The following CFAP61 variants were observed in gnomAD, a reference collection of about 807,000 sequenced individuals.
CFAP61 encodes the protein cilia and flagella associated protein 61.
In CFAP61, 107 loss-of-function variants were observed where a neutral mutation model predicts 135.6. The observed-to-expected ratio is 0.79, with a 90% CI of 0.67 to 0.93. The LOEUF (loss-of-function observed/expected upper bound fraction) is 0.93, where lower values mean the gene tolerates loss of function less well. Among genes scored for constraint, CFAP61 ranks in the 40% least tolerant of loss-of-function variants. The probability of loss-of-function intolerance (pLI) is 0.00; values close to 1 mark genes in which losing one functional copy is unlikely to be tolerated. For missense variants in CFAP61, 1,507 were observed against 1,556.2 expected, an observed-to-expected ratio of 0.97 and a Z score of 0.53; for synonymous variants, 575 against 578.5, an observed-to-expected ratio of 0.99 and a Z score of 0.09.
chr20:20,057,120 TAAAAAAAAAA>T (rs752860141), intron 2 of CFAP61, among the ~76,000 whole-genome samples: 1 of 102,124 alleles, frequency 9.8e-6, no homozygotes. Context: ...CTGTCTCAAT[TAAAAAAAAAA>T]AAAAAAAAAA....
At chr20:20,109,776 T>C (rs962685968) in intron 8 of CFAP61, among the ~76,000 whole-genome samples, 2 of 152,254 alleles carry the variant, frequency 1.3e-5, no homozygotes, top group Non-Finnish European at 2.9e-5. Flanking sequence ...AAGAGCTAGC[T>C]CTTAATCTAT....
In CFAP61 at chr20:20,118,262, T is replaced by C. The variant is rs1372399394; in HGVS notation, c.859+19448T>C. Among the ~76,000 whole-genome samples the C allele has an allele frequency of 8.0e-5, 5 of 62,268 alleles. No homozygotes were observed. In the Admixed American group the frequency reaches 9.1e-4, roughly 11 times the overall value. The allele number at this position is 62,268 out of a possible 152,430, so 40.9% of individuals were successfully genotyped here. ...CATTATTTTGAGGTATGTTTCTTTC[T>C]TTCTTTCTTTCTTTCTTTCTTTCTT... On this transcript the variant is annotated intron_variant, in intron 8 of 26. Coordinates refer to ENST00000245957, the MANE Select transcript of CFAP61 (RefSeq NM_015585.4).
At chr20:20,351,206 C>G (rs978996144) in intron 26 of CFAP61, among the ~76,000 whole-genome samples, 2 of 152,034 alleles carry the variant, frequency 1.3e-5, no homozygotes, top group African/African-American at 4.8e-5. Context: ...CACATAAAAT[C>G]CTTAAAGACT....
At chr20:20,081,447 A>C (rs1453445058) in intron 6 of CFAP61, among the ~76,000 whole-genome samples, 3 of 152,222 alleles carry the variant, frequency 2.0e-5, no homozygotes, top group Non-Finnish European at 2.9e-5. Context: ...ACATGTATAG[A>C]AGCAGCCCAT....
intron 2 of CFAP61, among the ~76,000 whole-genome samples, chr20:20,059,832 T>C (rs2044664739): frequency 6.6e-6 from 1 of 151,464 alleles, no homozygotes; most frequent in South Asian, 2.1e-4. Flanking sequence ...AGAGAAAAAA[T>C]ATGAATGAAG....
At chr20:20,117,792 A>T (rs1600743407) in intron 8 of CFAP61, among the ~76,000 whole-genome samples, 1 of 152,086 alleles carries the variant, frequency 6.6e-6, no homozygotes, top group Non-Finnish European at 1.5e-5. Flanking sequence ...TTTTCCTAAT[A>T]TAGGTCTTTC....
intron 13 of CFAP61, 35 bp downstream of exon 13, chr20:20,169,495 A>T: frequency 6.5e-7 from 1 of 1,532,680 alleles, no homozygotes. Context: ...ACAACAATCC[A>T]TGAAATTACA....
chr20:20,065,496 C>T (rs1306397510), intron 2 of CFAP61, among the ~76,000 whole-genome samples: 1 of 151,696 alleles, frequency 6.6e-6, no homozygotes, highest in Non-Finnish European at 1.5e-5. Flanking sequence ...CATTGATGTC[C>T]TGAAGCTTCC....
chr20:20,355,868 C>G (rs1331721714), intron 26 of CFAP61, among the ~76,000 whole-genome samples: 31 of 109,374 alleles, frequency 2.8e-4, no homozygotes, highest in African/African-American at 5.9e-4. Flanking sequence ...GGGAGGTAGT[C>G]ACACTGTGAG....
rs149468144 is a variant in CFAP61, at chr20:20,322,042, C to CACATGG, written c.3423-19785_3423-19780dup. Among the ~76,000 whole-genome samples, 442 of 152,252 alleles carry CACATGG rather than the reference C, an allele frequency of 2.9e-3. 3 individuals are homozygous for CACATGG. The highest frequency in any genetic ancestry group is 1.0e-2 in the African/African-American group (414 of 41,538). On this transcript the variant is annotated intron_variant, in intron 25 of 26. Coordinates refer to ENST00000245957, the MANE Select transcript of CFAP61 (RefSeq NM_015585.4). ...CACCATGCTGTGAGGAAGCCCAAGC[C>CACATGG]ACATGGACAGGCCATACAGGCACTC...
At chr20:20,322,778 T>G in intron 25 of CFAP61, 1 of 985,306 alleles carries the variant, frequency 1.0e-6, no homozygotes, top group South Asian at 4.7e-5. Context: ...CCTAGCAACC[T>G]GTGAATGCTG....
At chr20:20,342,662 A>G (rs1352257129) in intron 26 of CFAP61, among the ~76,000 whole-genome samples, 1 of 151,836 alleles carries the variant, frequency 6.6e-6, no homozygotes, top group Non-Finnish European at 1.5e-5. Flanking sequence ...CCACATCTCC[A>G]TTGTCACTTC....
intron 2 of CFAP61, 148 bp from the exon 3 acceptor site, chr20:20,070,706 G>A: frequency 1.6e-6 from 1 of 641,580 alleles, no homozygotes; most frequent in Non-Finnish European, 2.7e-6. Context: ...CCCCAAAGTG[G>A]CTGCAATATC....
chr20:20,071,195 T>C (rs2045680531), intron 3 of CFAP61, among the ~76,000 whole-genome samples, 191 bp downstream of exon 3: 1 of 151,726 alleles, frequency 6.6e-6, no homozygotes, highest in Admixed American at 6.6e-5. Context: ...GGGCAGGGAG[T>C]AGCCAAGTTG....
chr20:20,340,160 C>T (rs532953286), intron 25 of CFAP61, among the ~76,000 whole-genome samples: 161 of 152,314 alleles, frequency 1.1e-3, no homozygotes, highest in African/African-American at 3.6e-3. Flanking sequence ...AGCCTCAAGT[C>T]GCAAATCCAT....
Position 20,074,313 on chromosome 20 carries a change from G to A in CFAP61, c.306G>A (p.Thr102=), listed in dbSNP as rs149073559. 1.6e-5 allele frequency: 26 copies of A among 1,613,964 alleles called. No individual in the cohort carries two copies. The highest frequency in any genetic ancestry group is 3.3e-5 in the South Asian group (3 of 91,080). Residue 102 remains threonine, a synonymous_variant, in exon 4 of 27, where the codon ACG becomes ACA. Coordinates refer to ENST00000245957, the MANE Select transcript of CFAP61 (RefSeq NM_015585.4). ...DSDIPCTPLN[T]LFMHLFVAVD... ...CTCTTCTTCTGCAGCCCCTGAATACGTTGTTCATGCACCTCTTTGTGGCCG... is the reference window on the plus strand; with the variant it reads ...CTCTTCTTCTGCAGCCCCTGAATACATTGTTCATGCACCTCTTTGTGGCCG...
At chr20:20,241,643 G>A (rs1437808042) in intron 18 of CFAP61, among the ~76,000 whole-genome samples, 3 of 152,148 alleles carry the variant, frequency 2.0e-5, no homozygotes, top group Non-Finnish European at 4.4e-5. Flanking sequence ...GAAAGATGTA[G>A]CTGGATAATT....
chr20:20,358,598 C>T (rs1263914101), intron 26 of CFAP61, among the ~76,000 whole-genome samples: 1 of 152,190 alleles, frequency 6.6e-6, no homozygotes. Flanking sequence ...TCAGAACCTC[C>T]CAGTACTTAG....
At chr20:20,069,020 G>A (rs6081865) in intron 2 of CFAP61, among the ~76,000 whole-genome samples, 1 of 152,372 alleles carries the variant, frequency 6.6e-6, no homozygotes. Context: ...TGGGATTACA[G>A]GCGTGAGCCA....
Sources: gnomAD v4.1 joint callset for allele counts (sites outside exome capture counted in the v4.1 genomes callset) on GRCh38, gnomAD v4.1.1 for gene constraint, MANE v1.5 for transcripts, NCBI Gene and HGNC (gene_info 2026-07-23, HGNC 2026-07-21) for gene names.